The following AGO2 variants were observed in gnomAD, a reference collection of about 807,000 sequenced individuals.
AGO2 encodes the protein argonaute RISC catalytic component 2.
A neutral mutation model predicts 102.3 loss-of-function variants in AGO2; 5 were observed. That is an observed-to-expected ratio of 0.05 (90% confidence interval 0.03 to 0.10). The LOEUF (loss-of-function observed/expected upper bound fraction) is 0.10, where lower values mean the gene tolerates loss of function less well. Among genes scored for constraint, AGO2 ranks in the 10% least tolerant of loss-of-function variants. AGO2 has a pLI of 1.00. For synonymous variants in AGO2, 449 were observed against 473.1 expected (o/e 0.95, Z 0.66); for missense variants, 541 against 1,183.7 (o/e 0.46, Z 7.97).
At chr8:140,609,954 G>A (rs2074054104) in intron 1 of AGO2, among the ~76,000 whole-genome samples, 2 of 150,744 alleles carry the variant, frequency 1.3e-5, no homozygotes, top group Admixed American at 1.3e-4. Context: ...AGCACGGTGG[G>A]AGCCCAAGGC....
chr8:140,544,105 G>T, intron 14 of AGO2, 108 bp downstream of exon 14: 1 of 1,230,780 alleles, frequency 8.1e-7, no homozygotes, highest in South Asian at 1.7e-5. Flanking sequence ...AGCTTAGTGA[G>T]ACCCCATGCC....
chr8:140,637,465 T>G (rs1554599528), upstream of AGO2: 1 of 152,264 alleles, frequency 6.6e-6, no homozygotes, highest in Non-Finnish European at 1.5e-5. Context: ...GGAACTTTGT[T>G]GCAAGGATTT....
chr8:140,619,262 G>A (rs1188957932), intron 1 of AGO2, among the ~76,000 whole-genome samples: 1 of 152,162 alleles, frequency 6.6e-6, no homozygotes, highest in East Asian at 1.9e-4. Flanking sequence ...AATATTCACG[G>A]GCAACACCAG....
Position 140,562,367 on chromosome 8 carries a change from G to A in AGO2, c.518+86C>T, listed in dbSNP as rs575248169. 174 of 1,479,170 alleles carry A rather than the reference G, an allele frequency of 1.2e-4. No individual in the cohort carries two copies. The East Asian group carries it at 1.5e-3, about 12-fold the overall frequency. 91.6% of individuals were successfully genotyped at this position (1,479,170 alleles called of 1,614,324 possible). ...CCCACCCTGGATCCAAGAATGAGCCGTTCCTCGGACAGATTTCAGACCCTG... is the reference window on the plus strand; with the variant it reads ...CCCACCCTGGATCCAAGAATGAGCCATTCCTCGGACAGATTTCAGACCCTG... On this transcript the variant is annotated intron_variant, in intron 4 of 18. Transcript: ENST00000220592.
intron 14 of AGO2, among the ~76,000 whole-genome samples, chr8:140,543,670 C>T (rs1350956302): frequency 1.3e-5 from 2 of 152,208 alleles, no homozygotes; most frequent in East Asian, 3.9e-4. Context: ...GGAATGTAAG[C>T]ATTTTCTGAG....
chr8:140,572,513 T>C (rs537772100), intron 3 of AGO2: 3 of 249,154 alleles, frequency 1.2e-5, no homozygotes, highest in Non-Finnish European at 2.3e-5. Flanking sequence ...TAAGCTCTTG[T>C]CTGGCGGTGG....
At chr8:140,595,284 G>A (rs1299941118) in intron 1 of AGO2, among the ~76,000 whole-genome samples, 1 of 152,034 alleles carries the variant, frequency 6.6e-6, no homozygotes, top group Non-Finnish European at 1.5e-5. Flanking sequence ...GCTTCAGAAT[G>A]GTGTTTGATG....
chr8:140,610,343 G>A (rs1402844563), intron 1 of AGO2, among the ~76,000 whole-genome samples: 1 of 152,012 alleles, frequency 6.6e-6, no homozygotes. Flanking sequence ...TCAGCCTCCC[G>A]AGTAGCTGGG....
At chr8:140,611,991 G>A (rs922562631) in intron 1 of AGO2, among the ~76,000 whole-genome samples, 2 of 152,052 alleles carry the variant, frequency 1.3e-5, no homozygotes, top group African/African-American at 4.8e-5. Context: ...TTGGGAGGCC[G>A]AGGCGGGCGA....
chr8:140,553,262 T>C (rs1343688932), intron 10 of AGO2, among the ~76,000 whole-genome samples: 1 of 151,864 alleles, frequency 6.6e-6, no homozygotes, highest in African/African-American at 2.4e-5. Flanking sequence ...GGTGTGGCTG[T>C]GGTCCCAGCA....
intron 3 of AGO2, among the ~76,000 whole-genome samples, chr8:140,570,641 C>T (rs965214018): frequency 2.0e-5 from 3 of 152,174 alleles, no homozygotes; most frequent in Admixed American, 6.6e-5. Flanking sequence ...GGGGCACAGG[C>T]ACCGGACGGG....
At chr8:140,535,660 G>A in intron 16 of AGO2, 91 bp from the exon 17 acceptor site, 2 of 1,266,178 alleles carry the variant, frequency 1.6e-6, no homozygotes, top group Non-Finnish European at 1.2e-6. Context: ...GCTGGCCAGG[G>A]TGCCCTATTT....
chr8:140,596,517 A>T (rs1260813121), intron 1 of AGO2, among the ~76,000 whole-genome samples: 1 of 152,238 alleles, frequency 6.6e-6, no homozygotes, highest in Non-Finnish European at 1.5e-5. Flanking sequence ...CTGGAGGCGG[A>T]GGTTGCAGTG....
intron 1 of AGO2, among the ~76,000 whole-genome samples, chr8:140,628,388 T>C (rs1429647850): frequency 6.6e-6 from 1 of 151,182 alleles, no homozygotes; most frequent in Non-Finnish European, 1.5e-5. Context: ...TGCAGGCACG[T>C]GTGTGTGTGC....
chr8:140,533,164 C>T (rs893644549), intron 17 of AGO2, among the ~76,000 whole-genome samples: 8 of 151,972 alleles, frequency 5.3e-5, no homozygotes, highest in African/African-American at 1.2e-4. Context: ...CCGAGGCGGG[C>T]AGATCACAAG....
chr8:140,620,956 C>G (rs934721828), intron 1 of AGO2, among the ~76,000 whole-genome samples: 2 of 152,168 alleles, frequency 1.3e-5, no homozygotes, highest in Non-Finnish European at 2.9e-5. Flanking sequence ...CTCCATCACC[C>G]AGGCTGGAGT....
chr8:140,631,458 C>T (rs1386923345), intron 1 of AGO2, among the ~76,000 whole-genome samples: 5 of 150,898 alleles, frequency 3.3e-5, no homozygotes, highest in South Asian at 2.1e-4. Context: ...CGCTTGAACC[C>T]GGGAGGAGGA....
intron 14 of AGO2, among the ~76,000 whole-genome samples, chr8:140,542,583 A>C (rs1299765234): frequency 6.6e-6 from 1 of 152,078 alleles, no homozygotes; most frequent in East Asian, 1.9e-4. Flanking sequence ...GAAAAAAAAA[A>C]AAAAAACCAG....
At chr8:140,535,088 C>T (rs543927181) in intron 17 of AGO2, among the ~76,000 whole-genome samples, 1 of 152,318 alleles carries the variant, frequency 6.6e-6, no homozygotes, top group South Asian at 2.1e-4. Flanking sequence ...CCAAGTCTGC[C>T]CCATGCGGCC....
Sources: allele counts gnomAD v4.1 joint callset (sites outside exome capture counted in the v4.1 genomes callset), GRCh38; gene constraint gnomAD v4.1.1; transcripts MANE v1.5; gene names NCBI Gene and HGNC (gene_info 2026-07-23, HGNC 2026-07-21).